The following ORC5 variants were observed in gnomAD, a reference collection of about 807,000 sequenced individuals.
ORC5 encodes the protein protein phosphatase 1, regulatory subunit 117.
A neutral mutation model predicts 58.8 loss-of-function variants in ORC5; 39 were observed. That is an observed-to-expected ratio of 0.66 (90% CI 0.51 to 0.87). ORC5 has a LOEUF of 0.87. Ranked by LOEUF, ORC5 falls within the 40% of genes least tolerant of loss-of-function variation. The pLI is 0.00. For synonymous variants in ORC5, 218 were observed against 177.6 expected, an observed-to-expected ratio of 1.23 and a Z score of -1.81; for missense variants, 493 against 506.3, an observed-to-expected ratio of 0.97 and a Z score of 0.25.
chr7:104,181,052 A>G lies in ORC5; in HGVS notation c.824+2891T>C, dbSNP rs150007378. Reference sequence around the variant, plus strand: ...TTAAAGATCAATGGACTCAATAAAAATCTATCAGAACTCTAATGAAGAAAT... The same window carrying G: ...TTAAAGATCAATGGACTCAATAAAAGTCTATCAGAACTCTAATGAAGAAAT... On this transcript the variant is annotated intron_variant, in intron 8 of 13. Coordinates refer to ENST00000297431, the MANE Select transcript of ORC5 (RefSeq NM_002553.4). 4.6e-3 allele frequency among the ~76,000 whole-genome samples: 706 copies of G among 152,362 alleles called. 4 individuals are homozygous for G. Among genetic ancestry groups the G allele is most frequent in the African/African-American group, 0.016 (650 of 41,596 alleles).
At chr7:104,157,167 C>T (rs1562810578) in intron 12 of ORC5, among the ~76,000 whole-genome samples, 1 of 151,838 alleles carries the variant, frequency 6.6e-6, no homozygotes, top group Non-Finnish European at 1.5e-5. Context: ...AAATATAAGG[C>T]ATGTGGGAGA....
At chr7:104,196,425 G>A (rs1409917335) in intron 4 of ORC5, among the ~76,000 whole-genome samples, 2 of 152,194 alleles carry the variant, frequency 1.3e-5, no homozygotes, top group Non-Finnish European at 2.9e-5. Flanking sequence ...AAAATGTCAA[G>A]AGTTAATGAA....
At chr7:104,167,988 T>C (rs1799136526) in intron 9 of ORC5, 1 of 153,528 alleles carries the variant, frequency 6.5e-6, no homozygotes, top group Non-Finnish European at 1.4e-5. Context: ...TTTCAATATT[T>C]GCTCATTTTT....
intron 1 of ORC5, among the ~76,000 whole-genome samples, chr7:104,207,486 AT>A (rs1800118553): frequency 6.6e-6 from 1 of 152,246 alleles, no homozygotes; most frequent in Non-Finnish European, 1.5e-5. Context: ...ATTTGAATAA[AT>A]AACACCCTGC....
At chr7:104,163,216 CAAG>C (rs1159995111) in intron 11 of ORC5, among the ~76,000 whole-genome samples, 1 of 152,182 alleles carries the variant, frequency 6.6e-6, no homozygotes, top group African/African-American at 2.4e-5. Flanking sequence ...CTCTGACACA[CAAG>C]AAGACTACAT....
intron 6 of ORC5, among the ~76,000 whole-genome samples, chr7:104,187,079 C>A (rs1287278048): frequency 6.6e-6 from 1 of 152,072 alleles, no homozygotes; most frequent in Non-Finnish European, 1.5e-5. Context: ...GATTCGAGTG[C>A]TAAAGAGTGG....
At chr7:104,198,235 A>C (rs1312235777) in intron 3 of ORC5, among the ~76,000 whole-genome samples, 1 of 152,218 alleles carries the variant, frequency 6.6e-6, no homozygotes, top group Non-Finnish European at 1.5e-5. Context: ...ACTGAGTAAT[A>C]GGCAGAGGTT....
chr7:104,207,580 A>G (rs964134585), intron 1 of ORC5, among the ~76,000 whole-genome samples: 1 of 152,212 alleles, frequency 6.6e-6, no homozygotes, highest in African/African-American at 2.4e-5. Context: ...AAACTTCTGA[A>G]AAGTGTGGCG....
intron 12 of ORC5, among the ~76,000 whole-genome samples, chr7:104,146,053 G>A (rs1798748359): frequency 6.6e-6 from 1 of 152,084 alleles, no homozygotes; most frequent in Non-Finnish European, 1.5e-5. Flanking sequence ...TCAAACAAAA[G>A]GAAATAATAA....
intron 11 of ORC5, among the ~76,000 whole-genome samples, chr7:104,164,301 G>A (rs564013572): frequency 6.6e-6 from 1 of 152,134 alleles, no homozygotes; most frequent in Admixed American, 6.5e-5. Context: ...GCGTGTGCCT[G>A]TAGTCCCAGC....
chr7:104,142,948 G>C (rs1310275238), intron 12 of ORC5, among the ~76,000 whole-genome samples: 1 of 152,152 alleles, frequency 6.6e-6, no homozygotes, highest in East Asian at 1.9e-4. Flanking sequence ...GTGGAAACAG[G>C]TAGAAATCTA....
chr7:104,142,406 T>C (rs1798687717), intron 12 of ORC5, among the ~76,000 whole-genome samples: 1 of 151,548 alleles, frequency 6.6e-6, no homozygotes, highest in Non-Finnish European at 1.5e-5. Context: ...TACATCAAAC[T>C]CAACAGCTTC....
chr7:104,139,639 T>C (rs545163315), intron 12 of ORC5, among the ~76,000 whole-genome samples: 7 of 152,186 alleles, frequency 4.6e-5, no homozygotes, highest in Admixed American at 4.6e-4. Context: ...TACATCAAAA[T>C]ACAAAGCTCT....
chr7:104,132,700 A>T (rs903312492), intron 13 of ORC5, among the ~76,000 whole-genome samples: 3 of 152,232 alleles, frequency 2.0e-5, no homozygotes, highest in Non-Finnish European at 4.4e-5. Context: ...ATAGACATAA[A>T]CACAGTCTGC....
intron 3 of ORC5, 36 bp from the exon 4 acceptor site, chr7:104,197,835 C>T: frequency 7.5e-7 from 1 of 1,327,198 alleles, no homozygotes; most frequent in Non-Finnish European, 1.0e-6. Flanking sequence ...AAAAGAAATG[C>T]ATTTACAAAG....
At chr7:104,169,529 G>A (rs1387066066) in intron 8 of ORC5, among the ~76,000 whole-genome samples, 1 of 151,900 alleles carries the variant, frequency 6.6e-6, no homozygotes, top group Admixed American at 6.6e-5. Flanking sequence ...AAAAAATAAG[G>A]CAGTTTGATG....
At position 104,129,392 on chromosome 7, in the gene ORC5, T is replaced by TA. The variant is rs1240813726; in HGVS notation, c.1263-2500dup. Among the ~76,000 whole-genome samples the TA allele has an allele frequency of 1.3e-5, 2 of 151,976 alleles. No individual in the cohort carries two copies. Among genetic ancestry groups the TA allele is most frequent in the Non-Finnish European group, 2.9e-5 (2 of 67,960 alleles). ...CTGAATCATAGTAAGAGTTTTAGATTAAAAAAAATCGATCAGGAATTGAAT... is the reference window on the plus strand; with the variant it reads ...CTGAATCATAGTAAGAGTTTTAGATTAAAAAAAAATCGATCAGGAATTGAAT... On this transcript the variant is annotated intron_variant, in intron 13 of 13. Coordinates refer to ENST00000297431, the MANE Select transcript of ORC5 (RefSeq NM_002553.4). This position sits in a 1 kb window ranked among gnomAD's most constrained non-coding sequence, Gnocchi z 4.9.
At chr7:104,204,255 T>C (rs759883712) in intron 1 of ORC5, 21 bp from the exon 2 acceptor site, 2 of 1,333,584 alleles carry the variant, frequency 1.5e-6, no homozygotes, top group Non-Finnish European at 2.1e-6. Flanking sequence ...AAAAGACAAA[T>C]ATGAGGCTGC....
At chr7:104,147,085 A>T (rs751946854) in intron 12 of ORC5, among the ~76,000 whole-genome samples, 21 of 152,212 alleles carry the variant, frequency 1.4e-4, no homozygotes, top group Non-Finnish European at 2.6e-4. Context: ...TTATCTCAAA[A>T]TGTTTTAAGT....
Sources: allele counts gnomAD v4.1 joint callset (sites outside exome capture counted in the v4.1 genomes callset), GRCh38; gene constraint gnomAD v4.1.1; non-coding constraint Gnocchi (gnomAD v3.1); transcripts MANE v1.5; gene names NCBI Gene and HGNC (gene_info 2026-07-23, HGNC 2026-07-21).